The following DRC1 variants were observed in gnomAD, a reference collection of about 807,000 sequenced individuals.
DRC1 encodes the protein dynein regulatory complex protein 1.
A neutral mutation model predicts 98.7 loss-of-function variants in DRC1; 74 were observed. The ratio of observed to expected loss-of-function variants is 0.75; its 90% CI spans 0.62 to 0.91. The LOEUF (loss-of-function observed/expected upper bound fraction) is 0.91. DRC1 is among the 40% of genes least tolerant of loss of function. The pLI is 0.00. For synonymous variants in DRC1, 336 were observed against 334.1 expected (o/e 1.01, Z -0.06); for missense variants, 875 against 886.0 (o/e 0.99, Z 0.16).
rs568591437 is a variant in DRC1, at chr2:26,450,133, G to A, written c.1599+48G>A. ...GACACGGGTGGGGCTGCAGCCGGCCGTGTTCTCAGATGGCCCTGCCATTGC... is the reference window on the plus strand; with the variant it reads ...GACACGGGTGGGGCTGCAGCCGGCCATGTTCTCAGATGGCCCTGCCATTGC... On this transcript the variant is annotated intron_variant, in intron 12 of 16. Coordinates refer to ENST00000288710, the MANE Select transcript of DRC1 (RefSeq NM_145038.5). The A allele has an allele frequency of 9.6e-6, 15 of 1,558,776 alleles. 1 individual carries two copies. Among genetic ancestry groups the A allele is most frequent in the South Asian group, 3.5e-5 (3 of 86,522 alleles).
chr2:26,413,293 T>C (rs1006266848), intron 1 of DRC1, among the ~76,000 whole-genome samples: 1 of 152,216 alleles, frequency 6.6e-6, no homozygotes, highest in Non-Finnish European at 1.5e-5. Flanking sequence ...ACGAGTATTG[T>C]CAGTGCTACA....
intron 8 of DRC1, among the ~76,000 whole-genome samples, chr2:26,443,391 C>A (rs1378512323): frequency 6.6e-6 from 1 of 152,130 alleles, no homozygotes; most frequent in Non-Finnish European, 1.5e-5. Context: ...AGATGGTGAG[C>A]TGTGCCGTGC....
chr2:26,405,907 G>T (rs1334577083), intron 1 of DRC1, among the ~76,000 whole-genome samples: 2 of 151,996 alleles, frequency 1.3e-5, no homozygotes, highest in East Asian at 1.9e-4. Flanking sequence ...CAATCCACCT[G>T]CCTCAGCCTC....
chr2:26,427,889 G>A lies in DRC1; in HGVS notation c.541-1739G>A, dbSNP rs748731500. Reference sequence around the variant, plus strand: ...AATGCCTTTCAATTCCATCCACGTCGTTGCAAATGACAGGATCTCATTCTC... The same window carrying A: ...AATGCCTTTCAATTCCATCCACGTCATTGCAAATGACAGGATCTCATTCTC... On this transcript the variant is annotated intron_variant, in intron 4 of 16. Transcript: ENST00000288710. Among the ~76,000 whole-genome samples, 8 of 152,236 alleles carry A rather than the reference G, an allele frequency of 5.3e-5. No individual in the cohort carries two copies. The South Asian group carries it at 6.2e-4, about 12-fold the overall frequency.
intron 1 of DRC1, among the ~76,000 whole-genome samples, chr2:26,405,657 T>A (rs537504187): frequency 3.0e-4 from 40 of 131,150 alleles, no homozygotes; most frequent in African/African-American, 1.1e-3. Context: ...CTATATCTTT[T>A]TTTTTTTTTT....
intron 1 of DRC1, among the ~76,000 whole-genome samples, chr2:26,406,614 G>T (rs1572349299): frequency 1.3e-5 from 2 of 152,214 alleles, no homozygotes; most frequent in South Asian, 4.2e-4. Flanking sequence ...AGGAGACTGA[G>T]GCATGAGAAT....
At chr2:26,406,537 CT>C (rs1184316855) in intron 1 of DRC1, among the ~76,000 whole-genome samples, 2 of 151,706 alleles carry the variant, frequency 1.3e-5, no homozygotes, top group Admixed American at 1.3e-4. Flanking sequence ...AGTGAAACCC[CT>C]GTCTCTACTA....
intron 1 of DRC1, among the ~76,000 whole-genome samples, chr2:26,405,207 T>G (rs1399731607): frequency 6.6e-6 from 1 of 152,216 alleles, no homozygotes; most frequent in Non-Finnish European, 1.5e-5. Context: ...GGTGAGCACC[T>G]ATGAGTTGTA....
chr2:26,453,679 T>C, intron 14 of DRC1, 130 bp downstream of exon 14: 1 of 928,552 alleles, frequency 1.1e-6, no homozygotes. Context: ...GACAGGGCTA[T>C]CTGAAGGCGG....
At position 26,454,699 on chromosome 2, in the gene DRC1, G is replaced by T; in HGVS notation, c.1972G>T (p.Asp658Tyr). Residue 658 changes from aspartate to tyrosine, a missense_variant, in exon 15 of 17, where the codon GAC becomes TAC. By Grantham distance (160) the Asp-to-Tyr change is radical (BLOSUM62 -3). Transcript: ENST00000288710. The surrounding 1 kb of genome is among the most constrained non-coding windows in gnomAD (Gnocchi z 5.2). ...VQKNVRDNSK[D>Y]SEYWQALTTV... ...GAAGAATGTGCGTGACAACTCCAAG[G>T]ACTCGGAGTACTGGCAGGCCCTGAC... 2 of 1,614,148 alleles carry T rather than the reference G, an allele frequency of 1.2e-6. No homozygotes were observed. The highest frequency in any genetic ancestry group is 1.7e-6 in the Non-Finnish European group (2 of 1,180,026).
intron 1 of DRC1, among the ~76,000 whole-genome samples, chr2:26,410,367 G>A (rs899012177): frequency 6.6e-6 from 1 of 151,424 alleles, no homozygotes; most frequent in African/African-American, 2.4e-5. Flanking sequence ...TGCCTCCTGG[G>A]TTCAAGCAAT....
At chr2:26,418,608 T>A (rs1484258579) in intron 2 of DRC1, among the ~76,000 whole-genome samples, 1 of 99,680 alleles carries the variant, frequency 1.0e-5, no homozygotes, top group African/African-American at 4.7e-5. Context: ...ATATAATATA[T>A]AAATTATATA....
Position 26,401,920 on chromosome 2 carries a change from G to C in DRC1, c.-70G>C. On this transcript the variant is annotated 5_prime_UTR_variant, in exon 1 of 17. Transcript: ENST00000288710. The stretch of plus-strand genomic sequence containing the variant: ...TGACCGCTCTCCCTGGCAACGGTTT[G>C]TTCCTAGCAACCAGCCTGAGGTCTG... 6.6e-7 allele frequency: 1 copy of C among 1,510,728 alleles called. No individual in the cohort carries two copies. The highest frequency in any genetic ancestry group is 8.9e-7 in the Non-Finnish European group (1 of 1,124,770). 93.6% of individuals were successfully genotyped at this position (1,510,728 alleles called of 1,614,324 possible). A position where few individuals can be genotyped will look rare whatever the true frequency, so the allele number is the denominator to read the frequency against.
rs751931302 is a variant in DRC1, at chr2:26,450,064, G to A, written c.1578G>A (p.Leu526=). The change falls in exon 12 of 17, where the codon CTG becomes CTA. Residue 526 remains leucine (L), a synonymous_variant. Coordinates refer to ENST00000288710, the MANE Select transcript of DRC1 (RefSeq NM_145038.5). ...LPLEQNECYL[L]RLDAIFSALG... is the part of the protein sequence containing the mutation. ...TGGAGCAGAATGAATGCTATCTGCTGAGGCTGGATGCCATCTTCTCCGTGA... is the reference window on the plus strand; with the variant it reads ...TGGAGCAGAATGAATGCTATCTGCTAAGGCTGGATGCCATCTTCTCCGTGA... The A allele has an allele frequency of 6.2e-7, 1 of 1,613,588 alleles. No individual in the cohort carries two copies. Among genetic ancestry groups the A allele is most frequent in the Non-Finnish European group, 8.5e-7 (1 of 1,179,884 alleles).
chr2:26,410,329 T>A (rs1678565725), intron 1 of DRC1, among the ~76,000 whole-genome samples: 1 of 150,972 alleles, frequency 6.6e-6, no homozygotes, highest in African/African-American at 2.4e-5. Flanking sequence ...TGGAGTGCAA[T>A]GGCATGATCT....
chr2:26,440,445 A>AT lies in DRC1; in HGVS notation c.956_957insT (p.Gln321AlafsTer8). 4 of 1,613,512 alleles carry AT rather than the reference A, an allele frequency of 2.5e-6. No homozygotes were observed. The highest frequency in any genetic ancestry group is 3.4e-6 in the Non-Finnish European group (4 of 1,179,788). ...CTAAACCAAGAGAAATTAGAGTACA[A>AT]CTTGCAGGTGCTGAAGAAGAGAGAT... On this transcript the variant is annotated frameshift_variant, in exon 8 of 17. Coordinates refer to ENST00000288710, the MANE Select transcript of DRC1 (RefSeq NM_145038.5). LOFTEE classifies it high-confidence loss of function.
At chr2:26,426,401 C>G (rs181825952) in intron 4 of DRC1, among the ~76,000 whole-genome samples, 26 of 148,194 alleles carry the variant, frequency 1.8e-4, no homozygotes, top group Non-Finnish European at 2.8e-4. Flanking sequence ...GAGTCTTGCT[C>G]TGTCGCCCAG....
In DRC1 at chr2:26,444,743, GT is replaced by G; in HGVS notation, c.1195del (p.Trp399GlyfsTer5). On this transcript the variant is annotated frameshift_variant, in exon 10 of 17. Transcript: ENST00000288710. LOFTEE classifies it high-confidence loss of function. ...RHFALIDDEK[F>X]WEIWLMNEEE... ...ATTTTGCTCTTATTGATGATGAGAA[GT>G]TTTGGGAGATTTGGCTGATGAATGA... 1 of 1,614,132 alleles carries G rather than the reference GT, an allele frequency of 6.2e-7. No homozygotes were observed. The highest frequency in any genetic ancestry group is 8.5e-7 in the Non-Finnish European group (1 of 1,180,018).
chr2:26,442,007 T>C (rs1020170044), intron 8 of DRC1, among the ~76,000 whole-genome samples: 2 of 152,208 alleles, frequency 1.3e-5, no homozygotes, highest in Non-Finnish European at 2.9e-5. Context: ...CAAAAGTTTA[T>C]TTCTCACAGT....
Sources: gnomAD v4.1 joint callset for allele counts (sites outside exome capture counted in the v4.1 genomes callset) on GRCh38, gnomAD v4.1.1 for gene constraint, Gnocchi (gnomAD v3.1) non-coding constraint, MANE v1.5 for transcripts, NCBI Gene and HGNC (gene_info 2026-07-23, HGNC 2026-07-21) for gene names.